ZNF202: variants seen among roughly 807,000 people sequenced by gnomAD.
ZNF202 encodes zinc finger protein 202.
In ZNF202, 22 loss-of-function variants were observed where a neutral mutation model predicts 54.5. That is an observed-to-expected ratio of 0.40 (90% CI 0.29 to 0.58). The LOEUF (loss-of-function observed/expected upper bound fraction) is 0.58, where lower values mean the gene tolerates loss of function less well. ZNF202 is among the 20% of genes least tolerant of loss of function. The probability of loss-of-function intolerance (pLI) is 0.39; values close to 1 mark genes in which losing one functional copy is unlikely to be tolerated. For synonymous variants in ZNF202, 294 were observed against 301.4 expected, an observed-to-expected ratio of 0.98 and a Z score of 0.26; for missense variants, 644 against 805.5, an observed-to-expected ratio of 0.80 and a Z score of 2.43.
At chr11:123,732,112 GGTCTT>G (rs978200774) in intron 3 of ZNF202, among the ~76,000 whole-genome samples, 10 of 152,182 alleles carry the variant, frequency 6.6e-5, no homozygotes, top group African/African-American at 2.4e-4. Flanking sequence ...CTTTTTAACG[GGTCTT>G]GTCTTTATTC....
In ZNF202 at chr11:123,730,007, A is replaced by G. The variant is rs891547561; in HGVS notation, c.403-182T>C. On this transcript the variant is annotated intron_variant, in intron 4 of 8. Transcript: ENST00000530393. This position sits in a 1 kb window ranked among gnomAD's most constrained non-coding sequence, Gnocchi z 6.0. ...AGCTGAAGGTTATCCTCCCCAGGAC[A>G]AGGCAGGGGATGCGCAGGCCTGCAC... 6.6e-6 allele frequency among the ~76,000 whole-genome samples: 1 copy of G among 152,082 alleles called. No homozygotes were observed. Among genetic ancestry groups the G allele is most frequent in the African/African-American group, 2.4e-5 (1 of 41,430 alleles).
rs776929782 is a variant in ZNF202 at position 123,730,876 on chromosome 11, C to T, written c.13G>A (p.Val5Met). 26 of 1,612,582 alleles carry T rather than the reference C, an allele frequency of 1.6e-5. No homozygotes were observed. In the Admixed American group the frequency reaches 2.3e-4, roughly 14 times the overall value. The change falls in exon 4 of 9, where the codon GTG becomes ATG. Residue 5 changes from valine to methionine, a missense_variant. This residue lies in a region of ZNF202 where 46 missense variants were observed against 47.4 expected (regional missense o/e 0.97). Coordinates refer to ENST00000530393, the MANE Select transcript of ZNF202 (RefSeq NM_003455.4). This position sits in a 1 kb window ranked among gnomAD's most constrained non-coding sequence, Gnocchi z 6.0. MATA[V>M]EPEDQDLWEE... ...CAAAGATCCTGGTCCTCTGGTTCCA[C>T]GGCTGTAGCCATTTCTTGGCTTTGG...
In ZNF202 at chr11:123,726,030, C is replaced by A. The variant is rs1168364810; in HGVS notation, c.1914G>T (p.Arg638Ser). 6.2e-7 allele frequency: 1 copy of A among 1,613,730 alleles called. No individual in the cohort carries two copies. The highest frequency in any genetic ancestry group is 1.1e-5 in the South Asian group (1 of 91,072). Residue 638 changes from arginine to serine, a missense_variant, in exon 9 of 9, where the codon AGG becomes AGT. Coordinates refer to ENST00000530393, the MANE Select transcript of ZNF202 (RefSeq NM_003455.4). This position sits in a 1 kb window ranked among gnomAD's most constrained non-coding sequence, Gnocchi z 6.0. ...TCTTTTCTGAGTGGGTCCTCTGATG[C>A]CTAATTAAGTGATATCCTCTGCTGA... ...KSFSRGYHLI[R>S]HQRTHSEKTS is the part of the protein sequence containing the mutation.
In ZNF202 at chr11:123,730,912, C is replaced by CA. The variant is rs1212055441; in HGVS notation, c.-25dup. 1 of 1,599,844 alleles carries CA rather than the reference C, an allele frequency of 6.3e-7. No homozygotes were observed. ...ATTTCTTGGCTTTGGGGTGGTCTCA[C>CA]ACCATCTAGAGCTCACACTGTCATT... On this transcript the variant is annotated 5_prime_UTR_variant, in exon 4 of 9. It removes the in-frame stop codon of an upstream open reading frame in the 5' UTR. Transcript: ENST00000530393. The surrounding 1 kb of genome is among the most constrained non-coding windows in gnomAD (Gnocchi z 6.0).
chr11:123,726,632 A>T lies in ZNF202; in HGVS notation c.1312T>A (p.Ser438Thr). 1 of 1,614,082 alleles carries T rather than the reference A, an allele frequency of 6.2e-7. No individual in the cohort carries two copies. The change falls in exon 9 of 9, where the codon TCA becomes ACA. Residue 438 changes from serine to threonine, a missense_variant. This residue lies in a region of ZNF202 where 536 missense variants were observed against 635.3 expected (regional missense o/e 0.84). Transcript: ENST00000530393. The surrounding 1 kb of genome is among the most constrained non-coding windows in gnomAD (Gnocchi z 6.0). ...ACCTTTTGGTGCCTGGCAAGATGTG[A>T]GCTTCGTGTGTAACTTTTTCCACAT... ...MECGKSYTRS[S>T]HLARHQKVHK...
In ZNF202 at chr11:123,726,583, T is replaced by G; in HGVS notation, c.1361A>C (p.Lys454Thr). 6.2e-7 allele frequency: 1 copy of G among 1,614,194 alleles called. No individual in the cohort carries two copies. Among genetic ancestry groups the G allele is most frequent in the Non-Finnish European group, 8.5e-7 (1 of 1,180,036 alleles). ...CAAATTCTTCCGGTTTAGGGGATAT[T>G]TGTAAGGCGCGTTCATCTTGTGAAC... ...QKVHKMNAPY[K>T]YPLNRKNLEE... Residue 454 changes from lysine (K) to threonine (T), a missense_variant, in exon 9 of 9, where the codon AAA becomes ACA. Coordinates refer to ENST00000530393, the MANE Select transcript of ZNF202 (RefSeq NM_003455.4). This position sits in a 1 kb window ranked among gnomAD's most constrained non-coding sequence, Gnocchi z 6.0.
In ZNF202 at chr11:123,726,713, G is replaced by A. The variant is rs748438744; in HGVS notation, c.1231C>T (p.His411Tyr). Residue 411 changes from histidine (H) to tyrosine (Y), a missense_variant, in exon 9 of 9, where the codon CAC becomes TAC. By Grantham distance (83) the His-to-Tyr change is moderately conservative (BLOSUM62 2). Coordinates refer to ENST00000530393, the MANE Select transcript of ZNF202 (RefSeq NM_003455.4). The surrounding 1 kb of genome is among the most constrained non-coding windows in gnomAD (Gnocchi z 6.0). ...VCGKSFTCNS[H>Y]LVRHLRTHTG... is the part of the protein sequence containing the mutation. Reference sequence around the variant, plus strand: ...TGAGTCCTCAGGTGTCTAACAAGGTGGGAGTTACAAGTGAAGCTCTTTCCA... The same window carrying A: ...TGAGTCCTCAGGTGTCTAACAAGGTAGGAGTTACAAGTGAAGCTCTTTCCA... 1.2e-6 allele frequency: 2 copies of A among 1,614,204 alleles called. No individual in the cohort carries two copies. The highest frequency in any genetic ancestry group is 1.7e-6 in the Non-Finnish European group (2 of 1,180,036).
intron 3 of ZNF202, among the ~76,000 whole-genome samples, chr11:123,734,000 T>C (rs1435167215): frequency 1.3e-5 from 2 of 152,318 alleles, no homozygotes; most frequent in East Asian, 3.9e-4. Context: ...TGGTTTGGAA[T>C]CTCACTGCGC....
chr11:123,740,618 G>C (rs1482643774), intron 1 of ZNF202, 82 bp from the exon 2 acceptor site: 2 of 152,282 alleles, frequency 1.3e-5, no homozygotes, highest in Non-Finnish European at 2.9e-5. Flanking sequence ...CTGCTCCCCA[G>C]GACCAAGGTT....
In ZNF202 at chr11:123,725,920, C is replaced by A. The variant is rs759127107; in HGVS notation, c.*77G>T. ...ACTCCCTCGAAAAGGTCTTCCCAGG[C>A]TGACAAGAGGGCTTTTCCTCTTCCT... is the stretch of plus-strand genomic sequence containing the variant. On this transcript the variant is annotated 3_prime_UTR_variant, in exon 9 of 9. Coordinates refer to ENST00000530393, the MANE Select transcript of ZNF202 (RefSeq NM_003455.4). The A allele has an allele frequency of 7.6e-5, 114 of 1,505,390 alleles. No homozygotes were observed. The highest frequency in any genetic ancestry group is 9.8e-5 in the Non-Finnish European group (111 of 1,127,514). 93.3% of individuals were successfully genotyped at this position (1,505,390 alleles called of 1,614,324 possible).
chr11:123,731,109 A>G (rs1591380738), intron 3 of ZNF202, 124 bp from the exon 4 acceptor site: 7 of 485,502 alleles, frequency 1.4e-5, no homozygotes, highest in Non-Finnish European at 2.5e-5. Context: ...CTTTTCCCCA[A>G]CCACCATAGC....
rs183732941 is a variant in ZNF202, at chr11:123,740,133, G to C, written c.-114C>G. 2.2e-4 allele frequency: 33 copies of C among 152,332 alleles called. 1 individual carries two copies. The East Asian group carries it at 5.8e-3, about 27-fold the overall frequency. The allele number at this position is 152,332 out of a possible 1,614,324, so 9.4% of individuals were successfully genotyped here. ...GTAACTTACCTCATCTGTACAATTTGCAATGGCTGAGTCCCTCACATTGTG... is the reference window on the plus strand; with the variant it reads ...GTAACTTACCTCATCTGTACAATTTCCAATGGCTGAGTCCCTCACATTGTG... On this transcript the variant is annotated 5_prime_UTR_variant, in exon 3 of 9. Transcript: ENST00000530393.
intron 6 of ZNF202, 46 bp downstream of exon 6, chr11:123,729,080 G>A (rs1409998938): frequency 1.3e-6 from 2 of 1,595,690 alleles, no homozygotes; most frequent in Non-Finnish European, 1.7e-6. Flanking sequence ...ATGCCCAGTG[G>A]TTCTTCAAAC....
At chr11:123,734,009 G>A (rs540647024) in intron 3 of ZNF202, among the ~76,000 whole-genome samples, 17 of 152,264 alleles carry the variant, frequency 1.1e-4, no homozygotes, top group East Asian at 1.9e-4. Context: ...ATCTCACTGC[G>A]CCATGGTAAA....
intron 3 of ZNF202, among the ~76,000 whole-genome samples, chr11:123,731,510 C>A (rs1259997523): frequency 6.6e-6 from 1 of 152,162 alleles, no homozygotes; most frequent in Admixed American, 6.5e-5. Context: ...GAATGTGTAT[C>A]CATGGTTGAG....
At position 123,730,991 on chromosome 11, in the gene ZNF202, T is replaced by A; in HGVS notation, c.-97-6A>T. 7.2e-7 allele frequency: 1 copy of A among 1,380,136 alleles called. No individual in the cohort carries two copies. The highest frequency in any genetic ancestry group is 9.8e-7 in the Non-Finnish European group (1 of 1,018,948). 85.5% of individuals were successfully genotyped at this position (1,380,136 alleles called of 1,614,324 possible). A position where few individuals can be genotyped will look rare whatever the true frequency, so the allele number is the denominator to read the frequency against. Reference sequence around the variant, plus strand: ...AGGATTTTCTTCCAAGGGCCCTGGATAGAGAAGTAAAGACAAACAAGAGTA... The same window carrying A: ...AGGATTTTCTTCCAAGGGCCCTGGAAAGAGAAGTAAAGACAAACAAGAGTA... On this transcript the variant is annotated splice_region_variant and splice_polypyrimidine_tract_variant and intron_variant, in intron 3 of 8. Transcript: ENST00000530393. This position sits in a 1 kb window ranked among gnomAD's most constrained non-coding sequence, Gnocchi z 6.0.
At chr11:123,731,824 A>G (rs547688876) in intron 3 of ZNF202, among the ~76,000 whole-genome samples, 5 of 152,362 alleles carry the variant, frequency 3.3e-5, no homozygotes, top group South Asian at 2.1e-4. Flanking sequence ...AGTTCCAACT[A>G]TATTACTCAG....
Position 123,725,925 on chromosome 11 carries a change from A to G in ZNF202, c.*72T>C. The G allele has an allele frequency of 2.0e-6, 3 of 1,520,308 alleles. No homozygotes were observed. The East Asian group carries it at 6.8e-5, about 34-fold the overall frequency. The allele number at this position is 1,520,308 out of a possible 1,614,324, so 94.2% of individuals were successfully genotyped here. A position where few individuals can be genotyped will look rare whatever the true frequency, so the allele number is the denominator to read the frequency against. ...CTCGAAAAGGTCTTCCCAGGCTGACAAGAGGGCTTTTCCTCTTCCTCACCT... is the reference window on the plus strand; with the variant it reads ...CTCGAAAAGGTCTTCCCAGGCTGACGAGAGGGCTTTTCCTCTTCCTCACCT... On this transcript the variant is annotated 3_prime_UTR_variant, in exon 9 of 9. Coordinates refer to ENST00000530393, the MANE Select transcript of ZNF202 (RefSeq NM_003455.4).
At chr11:123,729,299 G>T in intron 5 of ZNF202, 85 bp from the exon 6 acceptor site, 9 of 1,350,948 alleles carry the variant, frequency 6.7e-6, no homozygotes, top group Non-Finnish European at 8.2e-6. Context: ...ACCATCTTTG[G>T]TAGGAAGGTG....
Sources: gnomAD v4.1 joint callset for allele counts (sites outside exome capture counted in the v4.1 genomes callset) on GRCh38, gnomAD v4.1.1 for gene constraint, gnomAD v4.1.1 regional missense constraint, Gnocchi (gnomAD v3.1) non-coding constraint, MANE v1.5 for transcripts, NCBI Gene and HGNC (gene_info 2026-07-23, HGNC 2026-07-21) for gene names.